Variants in CRMP1 observed in about 807,000 individuals in gnomAD.
The protein encoded by CRMP1 is collapsin response mediator protein 1.
In CRMP1, 19 loss-of-function variants were observed where a neutral mutation model predicts 68.3. The observed-to-expected ratio is 0.28, with a 90% CI of 0.19 to 0.41. CRMP1 has a LOEUF of 0.41. CRMP1 is among the 10% of genes least tolerant of loss of function. The pLI, the probability that CRMP1 is intolerant of heterozygous loss-of-function variation, is 1.00. For missense variants in CRMP1, 791 were observed against 967.4 expected (o/e 0.82, Z 2.42); for synonymous variants, 439 against 399.6 (o/e 1.10, Z -1.18).
At chr4:5,863,916 G>T (rs1713784860) in intron 2 of CRMP1, among the ~76,000 whole-genome samples, 1 of 152,172 alleles carries the variant, frequency 6.6e-6, no homozygotes, top group Non-Finnish European at 1.5e-5. Context: ...GCCCTGTGAG[G>T]CCTCAGTCAC....
chr4:5,869,203 TCGGTTTCCCAAAG>T (rs1714259787), intron 1 of CRMP1, among the ~76,000 whole-genome samples: 1 of 152,138 alleles, frequency 6.6e-6, no homozygotes, highest in Non-Finnish European at 1.5e-5. Context: ...TCCTCCCTCC[TCGGTTTCCCAAAG>T]CACCGGGATT....
In CRMP1 at chr4:5,892,719, G is replaced by T; in HGVS notation, c.251C>A (p.Thr84Lys). 2 of 1,228,788 alleles carry T rather than the reference G, an allele frequency of 1.6e-6. No individual in the cohort carries two copies. Among genetic ancestry groups the T allele is most frequent in the Non-Finnish European group, 2.0e-6 (2 of 985,188 alleles). 76.1% of individuals were successfully genotyped at this position (1,228,788 alleles called of 1,614,324 possible). A position where few individuals can be genotyped will look rare whatever the true frequency, so the allele number is the denominator to read the frequency against. Residue 84 changes from threonine (T) to lysine (K), a missense_variant, in exon 1 of 14, where the codon ACG becomes AAG. Physicochemically the swap from Thr to Lys is moderately conservative, Grantham distance 78. Coordinates refer to ENST00000324989, the MANE Select transcript of CRMP1 (RefSeq NM_001014809.3). This position sits in a 1 kb window ranked among gnomAD's most constrained non-coding sequence, Gnocchi z 8.6. ...CGAGGGCTCGCTCACGTCGCTGGCC[G>T]TGTCCTCGCTGCCTCCCGGCCCTGG... ...GLPGPGGSED[T>K]ASDVSEPSGS...
At chr4:5,827,339 G>A (rs530485176) in intron 12 of CRMP1, among the ~76,000 whole-genome samples, 6 of 152,242 alleles carry the variant, frequency 3.9e-5, no homozygotes, top group Admixed American at 1.3e-4. Flanking sequence ...GCCTTGTCTC[G>A]GATCTGACTT....
intron 1 of CRMP1, among the ~76,000 whole-genome samples, chr4:5,867,683 T>C (rs553326835): frequency 6.6e-6 from 1 of 152,058 alleles, no homozygotes; most frequent in Non-Finnish European, 1.5e-5. Context: ...AGACAGATGT[T>C]TATCAAGTCA....
intron 9 of CRMP1, among the ~76,000 whole-genome samples, chr4:5,837,897 T>C (rs1041853853): frequency 9.9e-5 from 15 of 152,122 alleles, no homozygotes; most frequent in East Asian, 3.9e-4. Context: ...GAATGGGGAC[T>C]GCATCTAAGA....
chr4:5,887,846 GCTCAGCTCACCCTCCCAC>G (rs1715706332), intron 1 of CRMP1: 1 of 999,752 alleles, frequency 1.0e-6, no homozygotes, highest in Admixed American at 6.0e-5. Context: ...AGCCAAGGAG[GCTCAGCTCACCCTCCCAC>G]CCCCGCGCGA....
chr4:5,836,207 C>A (rs1720713210), intron 10 of CRMP1, 122 bp from the exon 11 acceptor site: 2 of 852,012 alleles, frequency 2.3e-6, no homozygotes, highest in East Asian at 6.3e-5. Flanking sequence ...TCTCCTCTCC[C>A]AGCTAAAAAC....
At chr4:5,849,364 A>C (rs780386986) in intron 6 of CRMP1, 28 bp downstream of exon 6, 1 of 1,561,730 alleles carries the variant, frequency 6.4e-7, no homozygotes, top group African/African-American at 1.4e-5. Flanking sequence ...AGACTGAGGT[A>C]GAAGGAGTGG....
At chr4:5,833,600 C>G (rs911729742) in intron 11 of CRMP1, among the ~76,000 whole-genome samples, 1 of 151,986 alleles carries the variant, frequency 6.6e-6, no homozygotes, top group African/African-American at 2.4e-5. Flanking sequence ...AACAATATAC[C>G]TAACTTAGAA....
Position 5,872,276 on chromosome 4 carries a change from C to T in CRMP1, c.382-5520G>A, listed in dbSNP as rs1352728882. ...TATATGTTTTTAAAATTAATAACAC[C>T]AAATTCACATATTTATAAAAAAAAA... On this transcript the variant is annotated intron_variant, in intron 1 of 13. Coordinates refer to ENST00000324989, the MANE Select transcript of CRMP1 (RefSeq NM_001014809.3). This position sits in a 1 kb window ranked among gnomAD's most constrained non-coding sequence, Gnocchi z 4.6. Among the ~76,000 whole-genome samples, 1 of 151,984 alleles carries T rather than the reference C, an allele frequency of 6.6e-6. No homozygotes were observed. Among genetic ancestry groups the T allele is most frequent in the African/African-American group, 2.4e-5 (1 of 41,358 alleles).
In CRMP1 at chr4:5,889,885, A is replaced by C. The variant is rs1251421496; in HGVS notation, c.381+2704T>G. 4.2e-6 allele frequency: 6 copies of C among 1,422,600 alleles called. No individual in the cohort carries two copies. Among genetic ancestry groups the C allele is most frequent in the Non-Finnish European group, 5.5e-6 (6 of 1,090,918 alleles). 88.1% of individuals were successfully genotyped at this position (1,422,600 alleles called of 1,614,324 possible). ...GAGGTTTTAGCTTCACAGAGAAGCC[A>C]GCTCAGTATCCCAGGAACACTAGGC... On this transcript the variant is annotated intron_variant, in intron 1 of 13. Coordinates refer to ENST00000324989, the MANE Select transcript of CRMP1 (RefSeq NM_001014809.3). The surrounding 1 kb of genome is among the most constrained non-coding windows in gnomAD (Gnocchi z 4.5).
At chr4:5,837,874 G>A (rs10937682) in intron 9 of CRMP1, among the ~76,000 whole-genome samples, 63,083 of 151,688 alleles carry the variant, frequency 0.42, 14,126 homozygotes, top group African/African-American at 0.58. Flanking sequence ...CTATGTGCCC[G>A]GTACAATTTA....
At chr4:5,827,103 C>T (rs1437829147) in intron 12 of CRMP1, among the ~76,000 whole-genome samples, 1 of 152,206 alleles carries the variant, frequency 6.6e-6, no homozygotes, top group African/African-American at 2.4e-5. Context: ...TGAAGGAATC[C>T]CTGTGCAATG....
Position 5,872,887 on chromosome 4 carries a change from G to C in CRMP1, c.382-6131C>G, listed in dbSNP as rs1389936295. ...AAAACGTCCACACTCAGACAGAGGTGGGCTTGGATCCTGACTTCACTTATT... is the reference window on the plus strand; with the variant it reads ...AAAACGTCCACACTCAGACAGAGGTCGGCTTGGATCCTGACTTCACTTATT... On this transcript the variant is annotated intron_variant, in intron 1 of 13. Transcript: ENST00000324989. The surrounding 1 kb of genome is among the most constrained non-coding windows in gnomAD (Gnocchi z 4.6). Among the ~76,000 whole-genome samples, 3 of 152,200 alleles carry C rather than the reference G, an allele frequency of 2.0e-5. No individual in the cohort carries two copies. Among genetic ancestry groups the C allele is most frequent in the Non-Finnish European group, 4.4e-5 (3 of 68,046 alleles).
chr4:5,880,502 T>A (rs1715155160), intron 1 of CRMP1, among the ~76,000 whole-genome samples: 1 of 152,202 alleles, frequency 6.6e-6, no homozygotes, highest in Non-Finnish European at 1.5e-5. Context: ...CCCATGGAAT[T>A]GACTCCAAGT....
intron 12 of CRMP1, chr4:5,828,204 C>A (rs1007369870): frequency 8.1e-6 from 8 of 985,286 alleles, no homozygotes; most frequent in African/African-American, 1.7e-5. Flanking sequence ...AGGACAGCGC[C>A]CAGAGCAGCT....
rs1560477091 is a variant in CRMP1, at chr4:5,825,340, C to T, written c.1969+154G>A. 1.0e-6 allele frequency: 1 copy of T among 985,238 alleles called. No individual in the cohort carries two copies. Among genetic ancestry groups the T allele is most frequent in the Non-Finnish European group, 1.2e-6 (1 of 829,904 alleles). The allele number at this position is 985,238 out of a possible 1,614,324, so 61.0% of individuals were successfully genotyped here. A position where few individuals can be genotyped will look rare whatever the true frequency, so the allele number is the denominator to read the frequency against. ...GGTGACCATGCCAGCCCACTCTGCC[C>T]CACCAGTGAGAGCAGGCTCGGGTGG... On this transcript the variant is annotated intron_variant, in intron 13 of 13. Coordinates refer to ENST00000324989, the MANE Select transcript of CRMP1 (RefSeq NM_001014809.3). This position sits in a 1 kb window ranked among gnomAD's most constrained non-coding sequence, Gnocchi z 4.4.
chr4:5,885,682 G>T (rs1202528345), intron 1 of CRMP1, among the ~76,000 whole-genome samples: 1 of 152,056 alleles, frequency 6.6e-6, no homozygotes, highest in Non-Finnish European at 1.5e-5. Flanking sequence ...TCCCTGCTGG[G>T]GTTTCTTCCG....
At chr4:5,830,905 CT>C (rs1395261532) in intron 11 of CRMP1, among the ~76,000 whole-genome samples, 1 of 152,148 alleles carries the variant, frequency 6.6e-6, no homozygotes, top group Non-Finnish European at 1.5e-5. Context: ...TATATTGGAT[CT>C]TCTCAGTGTA....
Sources: allele counts gnomAD v4.1 joint callset (sites outside exome capture counted in the v4.1 genomes callset), GRCh38; gene constraint gnomAD v4.1.1; non-coding constraint Gnocchi (gnomAD v3.1); transcripts MANE v1.5; gene names NCBI Gene and HGNC (gene_info 2026-07-23, HGNC 2026-07-21).